The following ADSS1 variants were observed in gnomAD, a reference collection of about 807,000 sequenced individuals.
ADSS1 encodes adenylosuccinate synthase 1, also known as adenylosuccinate synthetase isozyme 1.
Under a neutral mutation model 59.1 loss-of-function variants are expected in ADSS1, and 57 were observed. That is an observed-to-expected ratio of 0.97 (90% CI 0.78 to 1.20). The LOEUF (loss-of-function observed/expected upper bound fraction) is 1.20, where lower values mean the gene tolerates loss of function less well. Among genes scored for constraint, ADSS1 ranks in the 50% most tolerant of loss-of-function variants. The pLI is 0.00. For missense variants in ADSS1, 603 were observed against 610.3 expected, an observed-to-expected ratio of 0.99 and a Z score of 0.13; for synonymous variants, 247 against 249.4, an observed-to-expected ratio of 0.99 and a Z score of 0.09.
intron 1 of ADSS1, among the ~76,000 whole-genome samples, 177 bp from the exon 2 acceptor site, chr14:104,734,843 G>A (rs1223193361): frequency 1.3e-5 from 2 of 152,202 alleles, no homozygotes; most frequent in African/African-American, 4.8e-5. Flanking sequence ...CTTCCAAGGT[G>A]CAGGATGCCC....
intron 9 of ADSS1, 22 bp from the exon 10 acceptor site, chr14:104,743,045 C>T (rs761881145): frequency 1.7e-5 from 28 of 1,612,168 alleles, no homozygotes; most frequent in Non-Finnish European, 2.3e-5. Flanking sequence ...GCTCACATGA[C>T]GTCCTCCCTG....
At chr14:104,729,499 AGCGTCGGCGTGGGGGAGGAGCGTG>A (rs1595194678) in intron 1 of ADSS1, among the ~76,000 whole-genome samples, 3 of 118,582 alleles carry the variant, frequency 2.5e-5, no homozygotes, top group East Asian at 2.6e-4. Flanking sequence ...GGGAGGAGGT[AGCGTCGGCGTGGGGGAGGAGCGTG>A]GCGTCGGCGT....
In ADSS1 at chr14:104,739,770, G is replaced by T; in HGVS notation, c.430G>T (p.Val144Phe). 6.2e-7 allele frequency: 1 copy of T among 1,613,948 alleles called. No homozygotes were observed. Among genetic ancestry groups the T allele is most frequent in the Non-Finnish European group, 8.5e-7 (1 of 1,179,998 alleles). Residue 144 changes from valine (V) to phenylalanine (F), a missense_variant, in exon 5 of 13, where the codon GTC (valine) becomes TTC (phenylalanine). Val to Phe is a conservative substitution (Grantham distance 50, BLOSUM62 -1). Coordinates refer to ENST00000330877, the MANE Select transcript of ADSS1 (RefSeq NM_152328.5). ...GACAGTGTTTGATTTTCACCAGGCT[G>T]TCGACGGACTTCAGGAAGTGCAGCG... ...AHLVFDFHQAVDGLQEVQRQA... is the reference protein window; with the variant it reads ...AHLVFDFHQAFDGLQEVQRQA...
rs950775096 is a variant in ADSS1, at chr14:104,740,165, T to C, written c.476+349T>C. On this transcript the variant is annotated intron_variant, in intron 5 of 12. Transcript: ENST00000330877. The surrounding 1 kb of genome is among the most constrained non-coding windows in gnomAD (Gnocchi z 4.8). ...TAAAGCAGTTTAGTAGAACCTCAGA[T>C]GTGCCAAGGACACAGGAGTGAAGCA... 4.6e-5 allele frequency among the ~76,000 whole-genome samples: 7 copies of C among 152,168 alleles called. No homozygotes were observed. Among genetic ancestry groups the C allele is most frequent in the African/African-American group, 1.7e-4 (7 of 41,424 alleles).
At position 104,738,432 on chromosome 14, in the gene ADSS1, A is replaced by G; in HGVS notation, c.352A>G (p.Lys118Glu). ...GLFEEAEKNE[K>E]KGLKDWEKRL... ...GTTTGAGGAAGCAGAGAAGAATGAA[A>G]AGAAAGGTAGGTCCAAGCTCCTGCA... is the stretch of plus-strand genomic sequence containing the variant. Residue 118 changes from lysine (K) to glutamate (E), a missense_variant, in exon 3 of 13, where the codon AAG becomes GAG. Lys to Glu is a moderately conservative substitution (Grantham distance 56, BLOSUM62 1). Transcript: ENST00000330877. 1.9e-6 allele frequency: 3 copies of G among 1,613,822 alleles called. No individual in the cohort carries two copies. The highest frequency in any genetic ancestry group is 8.5e-7 in the Non-Finnish European group (1 of 1,179,840).
chr14:104,741,073 C>T, intron 7 of ADSS1, 44 bp from the exon 8 acceptor site: 1 of 1,584,630 alleles, frequency 6.3e-7, no homozygotes, highest in South Asian at 1.2e-5. Context: ...GCCTCCCCTG[C>T]CCCAGGCCAC....
intron 2 of ADSS1, among the ~76,000 whole-genome samples, chr14:104,735,590 G>A (rs1215989741): frequency 2.0e-5 from 3 of 152,212 alleles, no homozygotes; most frequent in East Asian, 1.9e-4. Context: ...CCATGTGGCC[G>A]TCCTCTTGCC....
chr14:104,730,045 C>T (rs376435618), intron 1 of ADSS1: 6 of 1,575,392 alleles, frequency 3.8e-6, no homozygotes, highest in East Asian at 2.4e-5. Context: ...GTGGCCACTC[C>T]GTGCCAGCTC....
At chr14:104,735,192 T>G (rs1891074513) in intron 2 of ADSS1, 70 bp downstream of exon 2, 3 of 1,395,390 alleles carry the variant, frequency 2.1e-6, no homozygotes, top group Non-Finnish European at 9.9e-7. Flanking sequence ...GCCCCACGCA[T>G]GGGGGCACGG....
intron 10 of ADSS1, 53 bp from the exon 11 acceptor site, chr14:104,744,759 C>G: frequency 2.5e-6 from 4 of 1,570,212 alleles, no homozygotes; most frequent in Non-Finnish European, 1.8e-6. Context: ...CGGAAGAAAC[C>G]CCAGCACTGC....
rs1891584828 is a variant in ADSS1 at position 104,746,939 on chromosome 14, C to T, written c.1322-12C>T. 6.2e-7 allele frequency: 1 copy of T among 1,614,030 alleles called. No homozygotes were observed. The highest frequency in any genetic ancestry group is 8.5e-7 in the Non-Finnish European group (1 of 1,179,902). On this transcript the variant is annotated splice_polypyrimidine_tract_variant and intron_variant, in intron 12 of 12. Transcript: ENST00000330877. ...CCAGTGTGTATCATAACAGTCTTTT[C>T]TGCTCTCTCAGTCAAATGGGTTGGT...
At chr14:104,739,464 C>T (rs1891250620) in intron 4 of ADSS1, 86 bp downstream of exon 4, 1 of 1,450,924 alleles carries the variant, frequency 6.9e-7, no homozygotes. Context: ...CCACCGAGAT[C>T]AGGGAAGTCC....
intron 8 of ADSS1, 68 bp from the exon 9 acceptor site, chr14:104,741,780 C>T: frequency 6.3e-7 from 1 of 1,582,924 alleles, no homozygotes; most frequent in Non-Finnish European, 8.6e-7. Context: ...CTGAGAAGGC[C>T]TCTTGGGCCG....
chr14:104,745,056 A>T, intron 11 of ADSS1, 147 bp downstream of exon 11: 1 of 696,094 alleles, frequency 1.4e-6, no homozygotes, highest in Non-Finnish European at 2.4e-6. Flanking sequence ...AGCCTCCATC[A>T]TGGCTTTTGC....
At chr14:104,724,487 TC>T (rs1890663096) in intron 1 of ADSS1, 25 bp downstream of exon 1, 2 of 1,154,578 alleles carry the variant, frequency 1.7e-6, no homozygotes, top group Non-Finnish European at 2.2e-6. Flanking sequence ...GCCGGGTCCC[TC>T]CCCCACCGCC....
At chr14:104,725,925 G>T (rs2140739167) in intron 1 of ADSS1, among the ~76,000 whole-genome samples, 1 of 152,350 alleles carries the variant, frequency 6.6e-6, no homozygotes, top group Admixed American at 6.5e-5. Flanking sequence ...GCATTCACCT[G>T]GCTCCGCGCT....
At position 104,741,191 on chromosome 14, in the gene ADSS1, C is replaced by A. The variant is rs150115019; in HGVS notation, c.741C>A (p.Pro247=). The A allele has an allele frequency of 5.0e-6, 8 of 1,612,184 alleles. No homozygotes were observed. Among genetic ancestry groups the A allele is most frequent in the Admixed American group, 1.7e-5 (1 of 59,770 alleles). Residue 247 remains proline (P), a synonymous_variant, in exon 8 of 13, where the codon CCC becomes CCA. Transcript: ENST00000330877. ...TGTATGAGGCACTCCACGGCCCCCC[C>A]AAGAAGATCCTGGTGGAGGGTGCCA... ...YFMYEALHGP[P]KKILVEGANA... is the part of the protein sequence containing the mutation.
At chr14:104,742,771 A>G (rs1004452955) in intron 9 of ADSS1, among the ~76,000 whole-genome samples, 2 of 152,204 alleles carry the variant, frequency 1.3e-5, no homozygotes, top group African/African-American at 4.8e-5. Flanking sequence ...GAAGACAGCA[A>G]GGCTGCCCGT....
In ADSS1 at chr14:104,736,881, G is replaced by GATTATATATATATATATAT. The variant is rs1254196679; in HGVS notation, c.296-1493_296-1492insTATATATATATATATATAT. 8.7e-4 allele frequency among the ~76,000 whole-genome samples: 93 copies of GATTATATATATATATATAT among 106,588 alleles called. 2 individuals carry two copies. Among genetic ancestry groups the GATTATATATATATATATAT allele is most frequent in the African/African-American group, 2.8e-3 (78 of 28,136 alleles). 69.9% of individuals were successfully genotyped at this position (106,588 alleles called of 152,430 possible). ...CAGGCTTATGCCACCGCACCTAGCT[G>GATTATATATATATATATAT]ATATATATATATATATATATATATA... On this transcript the variant is annotated intron_variant, in intron 2 of 12. Transcript: ENST00000330877.
Sources: gnomAD v4.1 joint callset for allele counts (sites outside exome capture counted in the v4.1 genomes callset) on GRCh38, gnomAD v4.1.1 for gene constraint, Gnocchi (gnomAD v3.1) non-coding constraint, MANE v1.5 for transcripts, NCBI Gene and HGNC (gene_info 2026-07-23, HGNC 2026-07-21) for gene names.